The following POLR1A variants were observed in gnomAD, a reference collection of about 807,000 sequenced individuals.
The protein encoded by POLR1A is DNA-directed RNA polymerase I subunit RPA1.
Under a neutral mutation model 205.3 loss-of-function variants are expected in POLR1A, and 84 were observed. The ratio of observed to expected loss-of-function variants is 0.41; its 90% confidence interval spans 0.34 to 0.49. POLR1A has a LOEUF of 0.49. Ranked by LOEUF, POLR1A falls within the 20% of genes least tolerant of loss-of-function variation. The pLI is 0.22. For synonymous variants in POLR1A, 799 were observed against 863.7 expected (o/e 0.93, Z 1.31); for missense variants, 1,645 against 2,204.5 (o/e 0.75, Z 5.08).
chr2:86,056,487 GAGA>G (rs1672900308), intron 14 of POLR1A, among the ~76,000 whole-genome samples: 1 of 151,804 alleles, frequency 6.6e-6, no homozygotes, highest in African/African-American at 2.4e-5. Flanking sequence ...AGTGCTAAGC[GAGA>G]AGATCTAGCT....
At chr2:86,094,237 C>T (rs1279287538) in intron 3 of POLR1A, among the ~76,000 whole-genome samples, 1 of 152,152 alleles carries the variant, frequency 6.6e-6, no homozygotes, top group Non-Finnish European at 1.5e-5. Flanking sequence ...GCGTTAGTAG[C>T]CTGTTAAACT....
intron 22 of POLR1A, 147 bp downstream of exon 22, chr2:86,043,990 GGC>G: frequency 3.0e-6 from 2 of 672,264 alleles, no homozygotes; most frequent in South Asian, 3.8e-5. Flanking sequence ...AGTGTTTCAG[GGC>G]ACTGACCGGT....
In POLR1A at chr2:86,030,334, CAA is replaced by C; in HGVS notation, c.4639_4640del (p.Leu1547GlyfsTer19). The C allele has an allele frequency of 6.2e-7, 1 of 1,614,026 alleles. No individual in the cohort carries two copies. The highest frequency in any genetic ancestry group is 8.5e-7 in the Non-Finnish European group (1 of 1,179,936). ...NFDMSSLVVSLAHGAVIYATK... is the reference protein window; with the variant it reads ...NFDMSSLVVSXAHGAVIYATK... Reference sequence around the variant, plus strand: ...TCGCATAGATGACGGCACCATGGGCCAAAGATACTACCAGGGAGCTCATGTCA... The same window carrying C: ...TCGCATAGATGACGGCACCATGGGCCAGATACTACCAGGGAGCTCATGTCA... On this transcript the variant is annotated frameshift_variant, in exon 31 of 34. Transcript: ENST00000263857. LOFTEE classifies it high-confidence loss of function.
chr2:86,100,933 T>C (rs1673808799), intron 1 of POLR1A, among the ~76,000 whole-genome samples: 1 of 152,130 alleles, frequency 6.6e-6, no homozygotes, highest in Non-Finnish European at 1.5e-5. Flanking sequence ...AGTTAGGTGA[T>C]TGAATCCAGG....
intron 27 of POLR1A, among the ~76,000 whole-genome samples, chr2:86,034,876 TC>T: frequency 6.6e-6 from 1 of 152,074 alleles, no homozygotes; most frequent in African/African-American, 2.4e-5. Context: ...TATTATTAGT[TC>T]CCCCCACCGT....
chr2:86,103,769 C>T (rs1324028047), intron 1 of POLR1A, among the ~76,000 whole-genome samples: 1 of 152,116 alleles, frequency 6.6e-6, no homozygotes, highest in Admixed American at 6.5e-5. Flanking sequence ...TACATAAGCA[C>T]AAAAAGTCAC....
chr2:86,081,455 A>T (rs1045208755), intron 8 of POLR1A, 146 bp downstream of exon 8: 3 of 605,052 alleles, frequency 5.0e-6, no homozygotes, highest in Admixed American at 3.1e-5. Flanking sequence ...CGGGAAGGAA[A>T]GCAAGCCCTC....
chr2:86,034,543 T>A (rs1014850017), intron 27 of POLR1A, among the ~76,000 whole-genome samples: 4 of 152,184 alleles, frequency 2.6e-5, no homozygotes, highest in Non-Finnish European at 5.9e-5. Context: ...CCTCTTAGGA[T>A]CCACCCTGTC....
chr2:86,027,360 G>T lies in POLR1A; in HGVS notation c.*63C>A. On this transcript the variant is annotated 3_prime_UTR_variant, in exon 34 of 34. Coordinates refer to ENST00000263857, the MANE Select transcript of POLR1A (RefSeq NM_015425.6). ...GTCTCCTGGTCCTCTCATGCAGAAG[G>T]CAGGCTGGGCCACGCCCTCACCAAG... 4 of 1,312,814 alleles carry T rather than the reference G, an allele frequency of 3.0e-6. No individual in the cohort carries two copies. Among genetic ancestry groups the T allele is most frequent in the Non-Finnish European group, 3.3e-6 (3 of 905,308 alleles). The allele number at this position is 1,312,814 out of a possible 1,614,324, so 81.3% of individuals were successfully genotyped here. A position where few individuals can be genotyped will look rare whatever the true frequency, so the allele number is the denominator to read the frequency against.
rs1673551758 is a variant in POLR1A at position 86,088,794 on chromosome 2, G to A, written c.617C>T (p.Pro206Leu). Residue 206 changes from proline (P) to leucine (L), a missense_variant, in exon 5 of 34, where the codon CCC (proline) becomes CTC (leucine). Pro to Leu is a moderately conservative substitution (Grantham distance 98). Transcript: ENST00000263857. ...GGGCCCTGATACTTACTTGCAGTGG[G>A]GACAGCGCTTAGCATTCATATGTGC... is the stretch of plus-strand genomic sequence containing the variant. Reference protein sequence around the residue: ...WKAHMNAKRCPHCKTGRSVVR... With the variant: ...WKAHMNAKRCLHCKTGRSVVR... 1.2e-6 allele frequency: 2 copies of A among 1,613,426 alleles called. No homozygotes were observed. Among genetic ancestry groups the A allele is most frequent in the African/African-American group, 1.3e-5 (1 of 74,858 alleles).
intron 3 of POLR1A, among the ~76,000 whole-genome samples, chr2:86,097,228 A>G (rs1387247515): frequency 6.8e-6 from 1 of 146,644 alleles, no homozygotes; most frequent in African/African-American, 2.5e-5. Flanking sequence ...AAAAAAAAAA[A>G]AAAAAAAAAA....
rs966667868 is a variant in POLR1A at position 86,020,666 on chromosome 2, G to C, written c.*6757C>G. The C allele has an allele frequency of 6.6e-6, 1 of 152,152 alleles. No homozygotes were observed. The highest frequency in any genetic ancestry group is 2.4e-5 in the African/African-American group (1 of 41,416). The allele number at this position is 152,152 out of a possible 1,614,324, so 9.4% of individuals were successfully genotyped here. On this transcript the variant is annotated 3_prime_UTR_variant, in exon 34 of 34. Coordinates refer to ENST00000263857, the MANE Select transcript of POLR1A (RefSeq NM_015425.6). ...ACCCGCATCTATGTGTATGTGGCAG[G>C]GTTTCCTCAACCTCGGCATTATTGA...
At chr2:86,073,053 A>C (rs1355580622) in intron 12 of POLR1A, among the ~76,000 whole-genome samples, 1 of 152,024 alleles carries the variant, frequency 6.6e-6, no homozygotes, top group African/African-American at 2.4e-5. Context: ...TGTCTACAGA[A>C]AATACACAAA....
At chr2:86,048,842 A>G (rs1386640436) in intron 18 of POLR1A, 42 bp downstream of exon 18, 1 of 1,565,958 alleles carries the variant, frequency 6.4e-7, no homozygotes, top group Non-Finnish European at 8.8e-7. Flanking sequence ...AAAAATCAGC[A>G]TTCATAGTGG....
Position 86,048,876 on chromosome 2 carries a change from G to A in POLR1A, c.2634+8C>T, listed in dbSNP as rs1372824218. On this transcript the variant is annotated splice_region_variant and intron_variant, in intron 18 of 33. Coordinates refer to ENST00000263857, the MANE Select transcript of POLR1A (RefSeq NM_015425.6). ...GGTGGGGATAAATGCATGCAATGCT[G>A]GGCTAACCTTGTTAATCTCATTGCT... is the stretch of plus-strand genomic sequence containing the variant. 1 of 1,611,668 alleles carries A rather than the reference G, an allele frequency of 6.2e-7. No individual in the cohort carries two copies. The highest frequency in any genetic ancestry group is 8.5e-7 in the Non-Finnish European group (1 of 1,177,910).
At chr2:86,054,314 G>A in intron 14 of POLR1A, 25 bp from the exon 15 acceptor site, 1 of 1,609,396 alleles carries the variant, frequency 6.2e-7, no homozygotes, top group Non-Finnish European at 8.5e-7. Context: ...AGGACAAACT[G>A]ATGGCAAAAA....
chr2:86,042,910 A>T, intron 23 of POLR1A, 64 bp downstream of exon 23: 5 of 1,174,700 alleles, frequency 4.3e-6, no homozygotes, highest in Non-Finnish European at 6.4e-6. Context: ...ACAGCCCCTC[A>T]TCCCTCACCC....
At chr2:86,054,023 C>T in intron 15 of POLR1A, 117 bp downstream of exon 15, 1 of 1,014,254 alleles carries the variant, frequency 9.9e-7, no homozygotes, top group South Asian at 1.5e-5. Context: ...AACGCCTTCT[C>T]TTCTGAGGCA....
At chr2:86,094,194 G>A (rs1385993896) in intron 3 of POLR1A, among the ~76,000 whole-genome samples, 3 of 152,192 alleles carry the variant, frequency 2.0e-5, no homozygotes, top group Non-Finnish European at 2.9e-5. Flanking sequence ...AAAAGACTAT[G>A]TGTGTGTATG....
Sources: allele counts gnomAD v4.1 joint callset (sites outside exome capture counted in the v4.1 genomes callset), GRCh38; gene constraint gnomAD v4.1.1; transcripts MANE v1.5; gene names NCBI Gene and HGNC (gene_info 2026-07-23, HGNC 2026-07-21).